The following SKAP2 variants were observed in gnomAD, a reference collection of about 807,000 sequenced individuals.
The protein encoded by SKAP2 is src kinase associated phosphoprotein 2.
Under a neutral mutation model 54.9 loss-of-function variants are expected in SKAP2, and 28 were observed. The ratio of observed to expected loss-of-function variants is 0.51; its 90% CI spans 0.38 to 0.70. The LOEUF (loss-of-function observed/expected upper bound fraction) is 0.70, where lower values mean the gene tolerates loss of function less well. Among genes scored for constraint, SKAP2 ranks in the 30% least tolerant of loss-of-function variants. SKAP2 has a pLI of 0.00. For synonymous variants in SKAP2, 137 were observed against 134.3 expected (o/e 1.02, Z -0.14); for missense variants, 356 against 424.1 (o/e 0.84, Z 1.41).
At chr7:26,713,225 T>G (rs1348576638) in intron 9 of SKAP2, among the ~76,000 whole-genome samples, 1 of 152,220 alleles carries the variant, frequency 6.6e-6, no homozygotes, top group African/African-American at 2.4e-5. Flanking sequence ...TCCAAAAGGC[T>G]TCAGTTTAAA....
chr7:26,706,182 T>C lies in SKAP2; in HGVS notation c.797-15820A>G, dbSNP rs186946083. Among the ~76,000 whole-genome samples, 544 of 152,294 alleles carry C rather than the reference T, an allele frequency of 3.6e-3. 2 individuals are homozygous for C. The highest frequency in any genetic ancestry group is 6.4e-3 in the Non-Finnish European group (434 of 68,000). On this transcript the variant is annotated intron_variant, in intron 9 of 12. Transcript: ENST00000345317. ...CTATTTATATTAATATCCATGACTC[T>C]CTAACACATGTACCCATAGCTAACA...
chr7:26,857,310 T>TAAAAAAAAAAATAAAAAAAAAA (rs1785185416), intron 1 of SKAP2: 1 of 91,018 alleles, frequency 1.1e-5, no homozygotes, highest in Non-Finnish European at 1.9e-5. Context: ...CTGCTTTGCT[T>TAAAAAAAAAAATAAAAAAAAAA]AAAAAAAAAA....
intron 4 of SKAP2, among the ~76,000 whole-genome samples, chr7:26,803,478 C>T (rs531989138): frequency 4.6e-5 from 7 of 152,184 alleles, no homozygotes; most frequent in South Asian, 2.1e-4. Context: ...CAAATGCTGA[C>T]GAGCATGTGA....
At chr7:26,861,071 C>A (rs1785262411) in intron 1 of SKAP2, among the ~76,000 whole-genome samples, 1 of 151,942 alleles carries the variant, frequency 6.6e-6, no homozygotes, top group African/African-American at 2.4e-5. Flanking sequence ...CTTCTTAGAG[C>A]TTTCCTTTTA....
chr7:26,694,194 T>C (rs774433125), intron 9 of SKAP2, among the ~76,000 whole-genome samples: 1 of 152,192 alleles, frequency 6.6e-6, no homozygotes, highest in African/African-American at 2.4e-5. Flanking sequence ...ATACCTCAAG[T>C]AGTCAATGTT....
At chr7:26,675,084 T>G (rs907084332) in intron 11 of SKAP2, among the ~76,000 whole-genome samples, 1 of 152,152 alleles carries the variant, frequency 6.6e-6, no homozygotes, top group Non-Finnish European at 1.5e-5. Flanking sequence ...AATTCAGGCC[T>G]TCATCACCTT....
intron 4 of SKAP2, among the ~76,000 whole-genome samples, chr7:26,775,363 T>C (rs1026706516): frequency 6.6e-6 from 1 of 152,204 alleles, no homozygotes; most frequent in Non-Finnish European, 1.5e-5. Context: ...ATTGAGATAC[T>C]TTTAGATTCA....
At chr7:26,736,828 A>C (rs1787953731) in intron 6 of SKAP2, among the ~76,000 whole-genome samples, 1 of 152,112 alleles carries the variant, frequency 6.6e-6, no homozygotes, top group South Asian at 2.1e-4. Context: ...TCAGGAATTC[A>C]AGATTGCAGT....
intron 6 of SKAP2, among the ~76,000 whole-genome samples, chr7:26,730,253 C>T (rs115518718): frequency 0.012 from 1,791 of 152,198 alleles, 35 homozygotes; most frequent in African/African-American, 0.04. Context: ...TCCACAATTG[C>T]TTTTTGGGAT....
At chr7:26,760,918 T>G (rs897387778) in intron 4 of SKAP2, among the ~76,000 whole-genome samples, 3 of 152,138 alleles carry the variant, frequency 2.0e-5, no homozygotes, top group African/African-American at 7.2e-5. Context: ...TAGTCAGTAG[T>G]ATAAGTTGCT....
intron 6 of SKAP2, among the ~76,000 whole-genome samples, chr7:26,730,659 A>G (rs1286500093): frequency 6.6e-6 from 1 of 152,176 alleles, no homozygotes; most frequent in Non-Finnish European, 1.5e-5. Context: ...GTTTGAATGT[A>G]ATGTCTACAG....
chr7:26,660,891 T>C, the SKAP2 span, among the ~76,000 whole-genome samples: 1 of 152,052 alleles, frequency 6.6e-6, no homozygotes, highest in Non-Finnish European at 1.5e-5. Context: ...AACTCTATAC[T>C]ACCATGACAT....
Position 26,720,093 on chromosome 7 carries a change from CAT to C in SKAP2, c.796+5333_796+5334del, listed in dbSNP as rs1467327385. On this transcript the variant is annotated intron_variant, in intron 9 of 12. Coordinates refer to ENST00000345317, the MANE Select transcript of SKAP2 (RefSeq NM_003930.5). Reference sequence around the variant, plus strand: ...ACACACACACACACACACACACACACATCCCAGTTATGATAACCAAAAGTGTC... The same window carrying C: ...ACACACACACACACACACACACACACCCCAGTTATGATAACCAAAAGTGTC... 6.8e-3 allele frequency among the ~76,000 whole-genome samples: 990 copies of C among 146,374 alleles called. 10 individuals carry two copies. Among genetic ancestry groups the C allele is most frequent in the African/African-American group, 0.024 (950 of 39,878 alleles).
At chr7:26,825,165 G>A (rs769683064) in intron 4 of SKAP2, among the ~76,000 whole-genome samples, 5 of 151,988 alleles carry the variant, frequency 3.3e-5, no homozygotes, top group Non-Finnish European at 7.4e-5. Context: ...GCAAGCCGAG[G>A]GTCAAATAAG....
rs1005909744 is a variant in SKAP2 at position 26,668,947 on chromosome 7, A to G, written c.*719T>C. 5 of 152,142 alleles carry G rather than the reference A, an allele frequency of 3.3e-5. No individual in the cohort carries two copies. The highest frequency in any genetic ancestry group is 2.0e-4 in the Admixed American group (3 of 15,268). 9.4% of individuals were successfully genotyped at this position (152,142 alleles called of 1,614,324 possible). A position where few individuals can be genotyped will look rare whatever the true frequency, so the allele number is the denominator to read the frequency against. On this transcript the variant is annotated 3_prime_UTR_variant, in exon 13 of 13. Coordinates refer to ENST00000345317, the MANE Select transcript of SKAP2 (RefSeq NM_003930.5). ...ATTTTTTGTTTCATTAAATTTAAAC[A>G]AAAGTACAGTAGAAAATGTTGCCAG...
chr7:26,852,533 T>C (rs1269105831), intron 3 of SKAP2, among the ~76,000 whole-genome samples: 2 of 152,210 alleles, frequency 1.3e-5, no homozygotes, highest in Non-Finnish European at 2.9e-5. Context: ...AAAATGATTA[T>C]GAGCAATCTC....
intron 11 of SKAP2, among the ~76,000 whole-genome samples, chr7:26,671,366 T>C (rs1342755441): frequency 6.6e-6 from 1 of 152,066 alleles, no homozygotes; most frequent in Non-Finnish European, 1.5e-5. Flanking sequence ...TATTGAGTTA[T>C]ATGTGGGGAG....
chr7:26,754,220 A>G (rs1385182111), intron 4 of SKAP2, among the ~76,000 whole-genome samples: 1 of 151,802 alleles, frequency 6.6e-6, no homozygotes, highest in Admixed American at 6.6e-5. Flanking sequence ...AAAAATTAGC[A>G]GGGCGTGGTG....
At chr7:26,695,905 A>G (rs915170489) in intron 9 of SKAP2, among the ~76,000 whole-genome samples, 1 of 152,162 alleles carries the variant, frequency 6.6e-6, no homozygotes, top group Non-Finnish European at 1.5e-5. Context: ...GGAACAGAGG[A>G]CACCACCGGC....
Sources: allele counts gnomAD v4.1 joint callset (sites outside exome capture counted in the v4.1 genomes callset), GRCh38; gene constraint gnomAD v4.1.1; transcripts MANE v1.5; gene names NCBI Gene and HGNC (gene_info 2026-07-23, HGNC 2026-07-21).